The following C3orf20 variants were observed in gnomAD, a reference collection of about 807,000 sequenced individuals.
The protein encoded by C3orf20 is family with sequence similarity 149 member C, also known as uncharacterized protein C3orf20.
C3orf20 carries 76 observed loss-of-function variants against 88.3 expected under a neutral mutation model. That is an observed-to-expected ratio of 0.86 (90% CI 0.72 to 1.04). The LOEUF (loss-of-function observed/expected upper bound fraction) is 1.04. Among genes scored for constraint, C3orf20 ranks in the 50% least tolerant of loss-of-function variants. C3orf20 has a pLI of 0.00. For synonymous variants in C3orf20, 436 were observed against 437.4 expected (o/e 1.00, Z 0.04); for missense variants, 1,056 against 1,123.3 (o/e 0.94, Z 0.86).
intron 9 of C3orf20, among the ~76,000 whole-genome samples, chr3:14,721,176 A>G (rs1398682004): frequency 6.6e-6 from 1 of 152,012 alleles, no homozygotes; most frequent in African/African-American, 2.4e-5. Flanking sequence ...GTCCTCTTTG[A>G]CCTCTTCCCA....
At chr3:14,759,234 T>G (rs569172546) in intron 13 of C3orf20, among the ~76,000 whole-genome samples, 1 of 152,252 alleles carries the variant, frequency 6.6e-6, no homozygotes, top group South Asian at 2.1e-4. Flanking sequence ...CTGGGTGTGG[T>G]TCTGAGTTTC....
chr3:14,741,777 G>A (rs978990838), intron 12 of C3orf20, among the ~76,000 whole-genome samples: 1 of 152,238 alleles, frequency 6.6e-6, no homozygotes, highest in Non-Finnish European at 1.5e-5. Flanking sequence ...AACCCCATAG[G>A]CAGTGTGCTG....
At chr3:14,721,952 T>C in intron 10 of C3orf20, 168 bp downstream of exon 10, 1 of 749,178 alleles carries the variant, frequency 1.3e-6, no homozygotes, top group Non-Finnish European at 2.1e-6. Context: ...CACCTTCCTG[T>C]GAAACTTCTT....
Position 14,682,642 on chromosome 3 carries a change from T to C in C3orf20, c.-72T>C, listed in dbSNP as rs748115723. Reference sequence around the variant, plus strand: ...CATCCATTCTGTCCATCTCCAAGCCTTCACCGTAGGGAAGAACTTTTGCTC... The same window carrying C: ...CATCCATTCTGTCCATCTCCAAGCCCTCACCGTAGGGAAGAACTTTTGCTC... On this transcript the variant is annotated 5_prime_UTR_variant, in exon 3 of 17. Coordinates refer to ENST00000253697, the MANE Select transcript of C3orf20 (RefSeq NM_032137.5). 1.4e-5 allele frequency: 22 copies of C among 1,529,564 alleles called. No homozygotes were observed. In the South Asian group the frequency reaches 2.7e-4, roughly 19 times the overall value. 94.7% of individuals were successfully genotyped at this position (1,529,564 alleles called of 1,614,324 possible).
intron 8 of C3orf20, among the ~76,000 whole-genome samples, chr3:14,714,476 T>G (rs549622935): frequency 1.3e-5 from 2 of 152,196 alleles, no homozygotes; most frequent in Non-Finnish European, 2.9e-5. Flanking sequence ...GGAAAAAATA[T>G]GTTTTATACC....
rs976422500 is a variant in C3orf20 at position 14,701,817 on chromosome 3, G to A, written c.746-1313G>A. On this transcript the variant is annotated intron_variant, in intron 5 of 16. Transcript: ENST00000253697. The surrounding 1 kb of genome is among the most constrained non-coding windows in gnomAD (Gnocchi z 4.6). ...GAAATGCTCTCTTTTCCTGGAACCC[G>A]GGGAGACATGGCCAGTCTCATCACT... Among the ~76,000 whole-genome samples the A allele has an allele frequency of 3.3e-5, 5 of 152,140 alleles. No homozygotes were observed. The highest frequency in any genetic ancestry group is 2.1e-4 in the South Asian group (1 of 4,824).
chr3:14,755,917 T>C (rs571829106), intron 12 of C3orf20, among the ~76,000 whole-genome samples: 40 of 150,372 alleles, frequency 2.7e-4, no homozygotes, highest in Admixed American at 5.3e-4. Context: ...TAGTCCCAGC[T>C]ACTCAGGAGG....
At chr3:14,675,789 C>T (rs1397459959) in intron 1 of C3orf20, among the ~76,000 whole-genome samples, 3 of 152,160 alleles carry the variant, frequency 2.0e-5, no homozygotes, top group African/African-American at 4.8e-5. Context: ...TCCCCGGGTT[C>T]AAGTGATTCT....
intron 1 of C3orf20, among the ~76,000 whole-genome samples, chr3:14,676,041 A>G (rs1287178829): frequency 2.0e-5 from 3 of 151,558 alleles, no homozygotes; most frequent in Non-Finnish European, 4.4e-5. Flanking sequence ...GAAAGCTCAC[A>G]TGCTTAGTAA....
At chr3:14,726,339 C>A (rs2034343514) in intron 10 of C3orf20, among the ~76,000 whole-genome samples, 1 of 152,230 alleles carries the variant, frequency 6.6e-6, no homozygotes. Flanking sequence ...GGCAGGTTCT[C>A]AGCTGGGCAA....
rs183045702 is a variant in C3orf20 at position 14,722,645 on chromosome 3, A to G, written c.1566+861A>G. 4.9e-5 allele frequency: 22 copies of G among 451,964 alleles called. No homozygotes were observed. The East Asian group carries it at 7.7e-4, about 16-fold the overall frequency. 28.0% of individuals were successfully genotyped at this position (451,964 alleles called of 1,614,324 possible). On this transcript the variant is annotated intron_variant, in intron 10 of 16. Transcript: ENST00000253697. The stretch of plus-strand genomic sequence containing the variant: ...TCTAGACTGCTTTCGTTTCAAGTCT[A>G]TCGTCTCCACAAATTGAAAATTCCC...
intron 13 of C3orf20, 64 bp from the exon 14 acceptor site, chr3:14,759,827 A>G: frequency 7.2e-7 from 1 of 1,385,468 alleles, no homozygotes; most frequent in Non-Finnish European, 1.0e-6. Flanking sequence ...AGCCGAGAAT[A>G]TGGCAATCCA....
chr3:14,769,344 A>G (rs1235464149), intron 15 of C3orf20, among the ~76,000 whole-genome samples: 3 of 151,946 alleles, frequency 2.0e-5, no homozygotes, highest in Non-Finnish European at 2.9e-5. Context: ...GGCTCAGTGC[A>G]CCGCAGGAAC....
intron 4 of C3orf20, among the ~76,000 whole-genome samples, chr3:14,689,792 A>G (rs2032622158): frequency 6.6e-6 from 1 of 152,194 alleles, no homozygotes; most frequent in Admixed American, 6.5e-5. Flanking sequence ...GAGGCACTGC[A>G]GAGGGGAACT....
chr3:14,759,243 T>G lies in C3orf20; in HGVS notation c.2245-648T>G, dbSNP rs77080021. Among the ~76,000 whole-genome samples, 23 of 152,312 alleles carry G rather than the reference T, an allele frequency of 1.5e-4. No homozygotes were observed. The East Asian group carries it at 4.4e-3, about 29-fold the overall frequency. On this transcript the variant is annotated intron_variant, in intron 13 of 16. Coordinates refer to ENST00000253697, the MANE Select transcript of C3orf20 (RefSeq NM_032137.5). ...AGAACACTGGGTGTGGTTCTGAGTT[T>G]CATATTGTAGACTGAAAGGATAGCT...
intron 12 of C3orf20, among the ~76,000 whole-genome samples, chr3:14,735,972 A>C (rs1012660517): frequency 1.3e-5 from 2 of 152,210 alleles, no homozygotes; most frequent in Non-Finnish European, 2.9e-5. Context: ...TATTTTACAC[A>C]TAAGACTATT....
intron 8 of C3orf20, among the ~76,000 whole-genome samples, chr3:14,714,443 T>C (rs1266295795): frequency 6.6e-6 from 1 of 152,188 alleles, no homozygotes; most frequent in Non-Finnish European, 1.5e-5. Flanking sequence ...TTGTTAGTTA[T>C]ATTAATGGAA....
chr3:14,729,636 T>C (rs372148594), intron 12 of C3orf20, among the ~76,000 whole-genome samples: 13 of 152,184 alleles, frequency 8.5e-5, no homozygotes, highest in African/African-American at 2.4e-4. Flanking sequence ...AACCTCTGCC[T>C]CCCAGGTTCA....
chr3:14,738,553 G>T (rs546601274), intron 12 of C3orf20, among the ~76,000 whole-genome samples: 1 of 149,376 alleles, frequency 6.7e-6, no homozygotes, highest in African/African-American at 2.5e-5. Context: ...GGATGGTCTC[G>T]ATCTCCTGAC....
Sources: allele counts gnomAD v4.1 joint callset (sites outside exome capture counted in the v4.1 genomes callset), GRCh38; gene constraint gnomAD v4.1.1; non-coding constraint Gnocchi (gnomAD v3.1); transcripts MANE v1.5; gene names NCBI Gene and HGNC (gene_info 2026-07-23, HGNC 2026-07-21).